Variants in TMEM164 observed in about 807,000 individuals in gnomAD.
TMEM164 encodes the protein RP13-360B22.2.
In TMEM164, 4 loss-of-function variants were observed where a neutral mutation model predicts 18.8. The ratio of observed to expected loss-of-function variants is 0.21; its 90% confidence interval spans 0.10 to 0.49. The LOEUF is 0.49. Among genes scored for constraint, TMEM164 ranks in the 20% least tolerant of loss-of-function variants. TMEM164 has a pLI of 0.98. For missense variants in TMEM164, 108 were observed against 239.9 expected (o/e 0.45, Z 3.63); for synonymous variants, 86 against 101.7 (o/e 0.85, Z 0.93).
At chrX:110,076,612 A>C (rs948191373) in intron 3 of TMEM164, among the ~76,000 whole-genome samples, 7 of 111,611 alleles carry the variant, frequency 6.3e-5, no homozygotes, top group African/African-American at 2.3e-4. Context: ...TTAGCACTAT[A>C]AATTTTCCTC....
intron 2 of TMEM164, among the ~76,000 whole-genome samples, chrX:110,040,829 G>C (rs1037590202): frequency 1.8e-5 from 2 of 110,980 alleles, no homozygotes; most frequent in African/African-American, 3.3e-5. Context: ...TAATATTTGG[G>C]CCCTAACTTT....
At chrX:110,033,959 C>T (rs1002822218) in intron 2 of TMEM164, among the ~76,000 whole-genome samples, 1 of 110,884 alleles carries the variant, frequency 9.0e-6, no homozygotes, top group South Asian at 3.8e-4. Context: ...TTGTATTCCC[C>T]CCCGCCCCAC....
downstream of TMEM164, among the ~76,000 whole-genome samples, chrX:110,182,019 GAC>G (rs748143504): frequency 2.7e-5 from 3 of 111,621 alleles, no homozygotes; most frequent in Admixed American, 2.8e-4. Context: ...TGGACTCTAA[GAC>G]ACATTTTTTT....
At chrX:110,080,356 G>A (rs768492466) in intron 3 of TMEM164, among the ~76,000 whole-genome samples, 44 of 111,782 alleles carry the variant, frequency 3.9e-4, no homozygotes, top group African/African-American at 1.3e-3. Flanking sequence ...AAATAATATA[G>A]GAAAAAACAC....
At chrX:110,042,299 T>G (rs906813341) in intron 2 of TMEM164, among the ~76,000 whole-genome samples, 1 of 111,745 alleles carries the variant, frequency 8.9e-6, no homozygotes, top group Non-Finnish European at 1.9e-5. Flanking sequence ...ATTTGTCCTT[T>G]TATGTCTGGC....
At chrX:110,150,803 CCTTT>C (rs1178847031) in intron 5 of TMEM164, among the ~76,000 whole-genome samples, 1 of 111,955 alleles carries the variant, frequency 8.9e-6, no homozygotes, top group Non-Finnish European at 1.9e-5. Context: ...AGAAGCTCCC[CCTTT>C]CTTTCTTTTT....
At chrX:110,092,820 C>T (rs1457575415) in intron 3 of TMEM164, among the ~76,000 whole-genome samples, 2 of 112,041 alleles carry the variant, frequency 1.8e-5, no homozygotes, top group African/African-American at 6.5e-5. Flanking sequence ...AGTTTATGCT[C>T]ATTCAGTATG....
chrX:110,043,053 T>G (rs151076923), intron 2 of TMEM164, among the ~76,000 whole-genome samples: 1,460 of 112,415 alleles, frequency 0.013, 15 homozygotes, highest in Middle Eastern at 0.032. Context: ...CATGGTCAAT[T>G]CCAAGCTACC....
At chrX:110,065,094 A>G (rs764436293) in intron 2 of TMEM164, 1 of 110,643 alleles carries the variant, frequency 9.0e-6, no homozygotes, top group Non-Finnish European at 1.9e-5. Context: ...AGTTAGAACC[A>G]TGACTGATGG....
At chrX:110,025,147 A>G (rs959997660) in intron 2 of TMEM164, among the ~76,000 whole-genome samples, 2 of 110,803 alleles carry the variant, frequency 1.8e-5, no homozygotes, top group Non-Finnish European at 3.8e-5. Context: ...TGGCTCACGT[A>G]TGTCTCCAGG....
intron 4 of TMEM164, among the ~76,000 whole-genome samples, chrX:110,135,619 G>C (rs1054121103): frequency 9.0e-6 from 1 of 111,129 alleles, no homozygotes; most frequent in African/African-American, 3.3e-5. Flanking sequence ...GTATCTTGGG[G>C]TTTCACCATA....
At chrX:110,135,922 A>G (rs1397772854) in intron 4 of TMEM164, among the ~76,000 whole-genome samples, 9 of 111,954 alleles carry the variant, frequency 8.0e-5, no homozygotes, top group Non-Finnish European at 1.7e-4. Flanking sequence ...CCTTACCACA[A>G]TTAAGAAAAT....
At chrX:110,014,744 C>CTTTTTTTTTTTTTTTTTTTTTTGTTTTTT (rs1933221988) in intron 2 of TMEM164, among the ~76,000 whole-genome samples, 1 of 54,239 alleles carries the variant, frequency 1.8e-5, no homozygotes, top group Non-Finnish European at 3.2e-5. Context: ...TTGGTTGTTT[C>CTTTTTTTTTTTTTTTTTTTTTTGTTTTTT]TTTTTTTTTT....
intron 2 of TMEM164, among the ~76,000 whole-genome samples, chrX:110,011,311 A>G (rs1006407930): frequency 1.4e-4 from 16 of 112,164 alleles, no homozygotes; most frequent in African/African-American, 4.9e-4. Context: ...AACAAAGCAT[A>G]GGGGACAGGG....
intron 4 of TMEM164, among the ~76,000 whole-genome samples, chrX:110,135,872 G>C (rs2066683767): frequency 8.9e-6 from 1 of 111,752 alleles, no homozygotes; most frequent in South Asian, 3.7e-4. Flanking sequence ...TCAGCCTGCA[G>C]CTCCTAAGAC....
chrX:110,082,758 G>C (rs190720567), intron 3 of TMEM164, among the ~76,000 whole-genome samples: 3 of 110,486 alleles, frequency 2.7e-5, no homozygotes, highest in Non-Finnish European at 5.7e-5. Context: ...CTCACTGGTG[G>C]CTTCTCTTTT....
At chrX:110,114,285 A>T (rs1425940303) in intron 4 of TMEM164, among the ~76,000 whole-genome samples, 1 of 111,781 alleles carries the variant, frequency 8.9e-6, no homozygotes, top group African/African-American at 3.3e-5. Context: ...TCCCCTCTGT[A>T]AGCCCACCTA....
chrX:110,173,733 C>T lies in TMEM164; in HGVS notation c.*282C>T, dbSNP rs2067259802. 9.2e-6 allele frequency: 3 copies of T among 327,715 alleles called. No individual in the cohort carries two copies. The highest frequency in any genetic ancestry group is 1.2e-4 in the South Asian group (2 of 16,614). 27.0% of individuals were successfully genotyped at this position (327,715 alleles called of 1,213,427 possible). A position where few individuals can be genotyped will look rare whatever the true frequency, so the allele number is the denominator to read the frequency against. The stretch of plus-strand genomic sequence containing the variant: ...CCTTACATGGGGAGATTGCAGTGAG[C>T]GGCTCTTTCACTCTGCTTGTCGGTG... On this transcript the variant is annotated 3_prime_UTR_variant, in exon 7 of 7. Coordinates refer to ENST00000372068, the MANE Select transcript of TMEM164 (RefSeq NM_032227.4).
intron 2 of TMEM164, among the ~76,000 whole-genome samples, chrX:110,066,258 A>G (rs1163506306): frequency 5.4e-5 from 6 of 112,044 alleles, no homozygotes; most frequent in Non-Finnish European, 9.4e-5. Flanking sequence ...AAAGCCAACA[A>G]GTCCATAATG....
Sources: allele counts gnomAD v4.1 joint callset (sites outside exome capture counted in the v4.1 genomes callset), GRCh38; gene constraint gnomAD v4.1.1; transcripts MANE v1.5; gene names NCBI Gene and HGNC (gene_info 2026-07-23, HGNC 2026-07-21).